The following UGT1A3 variants were observed in gnomAD, a reference collection of about 807,000 sequenced individuals.
The protein encoded by UGT1A3 is UDP glucuronosyltransferase family 1 member A3, also known as UDP-glucuronosyltransferase 1A3.
In UGT1A3, 31 loss-of-function variants were observed where a neutral mutation model predicts 41.0. The observed-to-expected ratio is 0.76, with a 90% CI of 0.57 to 1.02. UGT1A3 has a LOEUF of 1.02. Among genes scored for constraint, UGT1A3 ranks in the 50% least tolerant of loss-of-function variants. The probability of loss-of-function intolerance (pLI) is 0.00; values close to 1 mark genes in which losing one functional copy is unlikely to be tolerated. For synonymous variants in UGT1A3, 262 were observed against 257.6 expected (o/e 1.02, Z -0.17); for missense variants, 737 against 671.0 (o/e 1.10, Z -1.09).
At chr2:233,761,445 T>C (rs1438331604) in intron 1 of UGT1A3, among the ~76,000 whole-genome samples, 2 of 152,234 alleles carry the variant, frequency 1.3e-5, no homozygotes, top group African/African-American at 4.8e-5. Flanking sequence ...CACAGAATGC[T>C]GGGTTTGGGG....
rs34358487 is a variant in UGT1A3, at chr2:233,769,432, CAT to C, written c.1307+994_1307+995del. The C allele has an allele frequency of 1.6e-5, 25 of 1,545,990 alleles. No homozygotes were observed. In the East Asian group the frequency reaches 1.8e-4, roughly 11 times the overall value. ...GTGCGTTTGTGCATGTGGCTGTGCT[CAT>C]GTGTGGGTGCACACGTGTGCATTCA... On this transcript the variant is annotated intron_variant, in intron 4 of 4. Coordinates refer to ENST00000482026, the MANE Select transcript of UGT1A3 (RefSeq NM_019093.4). The surrounding 1 kb of genome is among the most constrained non-coding windows in gnomAD (Gnocchi z 4.4).
Position 233,760,912 on chromosome 2 carries a change from C to G in UGT1A3, c.868-6122C>G, listed in dbSNP as rs72551343. On this transcript the variant is annotated intron_variant, in intron 1 of 4. Transcript: ENST00000482026. ...TTCAGATCACATGACCTTCCTGCAG[C>G]GGGTGAAGAACATGCTCATTGCCTT... The G allele has an allele frequency of 6.2e-7, 1 of 1,614,070 alleles. No individual in the cohort carries two copies. The highest frequency in any genetic ancestry group is 1.3e-5 in the African/African-American group (1 of 74,930).
At chr2:233,760,785 G>A in intron 1 of UGT1A3, 1 of 1,613,686 alleles carries the variant, frequency 6.2e-7, no homozygotes. Context: ...ACCTGTCTCT[G>A]CCCACTGTAT....
rs1222829087 is a variant in UGT1A3, at chr2:233,767,177, C to G, written c.999+12C>G. 1 of 1,614,030 alleles carries G rather than the reference C, an allele frequency of 6.2e-7. No individual in the cohort carries two copies. Among genetic ancestry groups the G allele is most frequent in the South Asian group, 1.1e-5 (1 of 91,054 alleles). ...AAATCCCTCAGACAGTAAGAAGATT[C>G]TATACCATGGCCTCATATCTATTTT... On this transcript the variant is annotated intron_variant, in intron 2 of 4. Coordinates refer to ENST00000482026, the MANE Select transcript of UGT1A3 (RefSeq NM_019093.4).
chr2:233,738,762 C>G (rs1262299691), intron 1 of UGT1A3, among the ~76,000 whole-genome samples: 1 of 152,182 alleles, frequency 6.6e-6, no homozygotes, highest in Non-Finnish European at 1.5e-5. Flanking sequence ...AAGAAAAACC[C>G]ATTTTATGGG....
chr2:233,772,142 A>T, intron 4 of UGT1A3, 120 bp from the exon 5 acceptor site: 1 of 1,550,154 alleles, frequency 6.5e-7, no homozygotes, highest in Non-Finnish European at 8.7e-7. Context: ...AATAATAGAA[A>T]CAGGTTTCCT....
At chr2:233,760,618 A>C (rs558023429) in intron 1 of UGT1A3, 1 of 1,614,234 alleles carries the variant, frequency 6.2e-7, no homozygotes, top group Non-Finnish European at 8.5e-7. Context: ...GCGTGTGATC[A>C]AAACATACAA....
chr2:233,760,380 G>A, intron 1 of UGT1A3: 1 of 1,614,192 alleles, frequency 6.2e-7, no homozygotes, highest in Non-Finnish European at 8.5e-7. Flanking sequence ...GGAAGATACT[G>A]TTGATCCCAG....
chr2:233,730,275 C>T (rs2078008384), intron 1 of UGT1A3, among the ~76,000 whole-genome samples: 1 of 152,142 alleles, frequency 6.6e-6, no homozygotes, highest in Admixed American at 6.5e-5. Flanking sequence ...TTTGTAAAGG[C>T]ACCATCTTCA....
rs367754114 is a variant in UGT1A3 at position 233,752,975 on chromosome 2, T to G, written c.868-14059T>G. On this transcript the variant is annotated intron_variant, in intron 1 of 4. Coordinates refer to ENST00000482026, the MANE Select transcript of UGT1A3 (RefSeq NM_019093.4). ...AATGGGATTTATGTAACCAATTGTG[T>G]AGATACAAACCCACTCATTCTATCC... Among the ~76,000 whole-genome samples, 45 of 152,332 alleles carry G rather than the reference T, an allele frequency of 3.0e-4. 2 individuals carry two copies. In the East Asian group the frequency reaches 7.1e-3, roughly 24 times the overall value.
At chr2:233,760,529 T>C (rs1169787218) in intron 1 of UGT1A3, 1 of 1,614,248 alleles carries the variant, frequency 6.2e-7, no homozygotes, top group Middle Eastern at 1.6e-4. Flanking sequence ...ACGTACCCTG[T>C]GCCATTCCAA....
At chr2:233,761,241 A>G in intron 1 of UGT1A3, 1 of 1,611,640 alleles carries the variant, frequency 6.2e-7, no homozygotes, top group Non-Finnish European at 8.5e-7. Context: ...TATGCTGAGC[A>G]AGCATTCTGA....
In UGT1A3 at chr2:233,769,413, T is replaced by A; in HGVS notation, c.1307+974T>A. 1 of 1,369,868 alleles carries A rather than the reference T, an allele frequency of 7.3e-7. No homozygotes were observed. Among genetic ancestry groups the A allele is most frequent in the Non-Finnish European group, 1.0e-6 (1 of 976,294 alleles). 84.9% of individuals were successfully genotyped at this position (1,369,868 alleles called of 1,614,324 possible). Reference sequence around the variant, plus strand: ...ACTGTGTGCATATGTGCGTGTGCGTTTGTGCATGTGGCTGTGCTCATGTGT... The same window carrying A: ...ACTGTGTGCATATGTGCGTGTGCGTATGTGCATGTGGCTGTGCTCATGTGT... On this transcript the variant is annotated intron_variant, in intron 4 of 4. Coordinates refer to ENST00000482026, the MANE Select transcript of UGT1A3 (RefSeq NM_019093.4). The surrounding 1 kb of genome is among the most constrained non-coding windows in gnomAD (Gnocchi z 4.4).
chr2:233,734,616 T>C (rs2078540988), intron 1 of UGT1A3, among the ~76,000 whole-genome samples: 1 of 152,220 alleles, frequency 6.6e-6, no homozygotes, highest in Admixed American at 6.5e-5. Context: ...AGTGTGTTGA[T>C]TTTAGATCTT....
At chr2:233,768,612 A>C (rs1575836446) in intron 4 of UGT1A3, among the ~76,000 whole-genome samples, 173 bp downstream of exon 4, 1 of 107,010 alleles carries the variant, frequency 9.3e-6, no homozygotes, top group African/African-American at 3.6e-5. Context: ...TTTGAGATGG[A>C]GTCTTGCTCT....
At position 233,729,614 on chromosome 2, in the gene UGT1A3, A is replaced by C. The variant is rs775324088; in HGVS notation, c.488A>C (p.Lys163Thr). 2.4e-5 allele frequency: 39 copies of C among 1,613,890 alleles called. No individual in the cohort carries two copies. Among genetic ancestry groups the C allele is most frequent in the Non-Finnish European group, 3.2e-5 (38 of 1,179,900 alleles). The change falls in exon 1 of 5, where the codon AAG becomes ACG. Residue 163 changes from lysine (K) to threonine (T), a missense_variant. Transcript: ENST00000482026. ...PVNLCAAVLA[K>T]YLSIPTVFFL... Reference sequence around the variant, plus strand: ...AACCTCTGCGCGGCAGTGCTGGCTAAGTACCTGTCGATTCCTACTGTGTTT... The same window carrying C: ...AACCTCTGCGCGGCAGTGCTGGCTACGTACCTGTCGATTCCTACTGTGTTT...
At chr2:233,740,742 A>T (rs1322255847) in intron 1 of UGT1A3, 3 of 151,738 alleles carry the variant, frequency 2.0e-5, no homozygotes, top group African/African-American at 4.9e-5. Context: ...GCCCCCTTTT[A>T]CACTCTGAAA....
Position 233,747,516 on chromosome 2 carries a change from G to C in UGT1A3, c.867+17523G>C, listed in dbSNP as rs1693703556. The C allele has an allele frequency of 1.9e-6, 3 of 1,607,196 alleles. 1 individual carries two copies. The African/African-American group carries it at 4.0e-5, about 22-fold the overall frequency. On this transcript the variant is annotated intron_variant, in intron 1 of 4. Coordinates refer to ENST00000482026, the MANE Select transcript of UGT1A3 (RefSeq NM_019093.4). ...GCTGGGCCACACTCAACTGTACTTT[G>C]AAACAGAACATTTTCTGAAGACATT...
chr2:233,731,753 A>G (rs950237110), intron 1 of UGT1A3, among the ~76,000 whole-genome samples: 2 of 152,194 alleles, frequency 1.3e-5, no homozygotes, highest in Non-Finnish European at 2.9e-5. Context: ...ATACGTGTGC[A>G]TGTGTCCTTA....
Sources: gnomAD v4.1 joint callset for allele counts (sites outside exome capture counted in the v4.1 genomes callset) on GRCh38, gnomAD v4.1.1 for gene constraint, Gnocchi (gnomAD v3.1) non-coding constraint, MANE v1.5 for transcripts, NCBI Gene and HGNC (gene_info 2026-07-23, HGNC 2026-07-21) for gene names.